The following MYLK variants were observed in gnomAD, a reference collection of about 807,000 sequenced individuals.
The protein encoded by MYLK is myosin light chain kinase, also known as myosin light chain kinase, smooth muscle.
MYLK carries 106 observed loss-of-function variants against 203.4 expected under a neutral mutation model. The ratio of observed to expected loss-of-function variants is 0.52; its 90% confidence interval spans 0.45 to 0.61. The LOEUF (loss-of-function observed/expected upper bound fraction) is 0.61. MYLK is among the 20% of genes least tolerant of loss of function. The pLI is 0.00. For missense variants in MYLK, 2,072 were observed against 2,442.3 expected, an observed-to-expected ratio of 0.85 and a Z score of 3.20; for synonymous variants, 867 against 959.5, an observed-to-expected ratio of 0.90 and a Z score of 1.78.
chr3:123,847,357 G>A (rs997764289), intron 2 of MYLK, among the ~76,000 whole-genome samples: 4 of 152,036 alleles, frequency 2.6e-5, no homozygotes, highest in Non-Finnish European at 5.9e-5. Flanking sequence ...AAATCTTATT[G>A]GTATGCAAGT....
At chr3:123,811,901 A>T (rs2065573592) in intron 3 of MYLK, among the ~76,000 whole-genome samples, 1 of 152,172 alleles carries the variant, frequency 6.6e-6, no homozygotes, top group African/African-American at 2.4e-5. Context: ...ATAAAAACAT[A>T]TCTATTAAAT....
At chr3:123,854,291 G>C (rs75220519) in intron 2 of MYLK, among the ~76,000 whole-genome samples, 2,439 of 151,442 alleles carry the variant, frequency 0.016, 61 homozygotes, top group African/African-American at 0.055. Context: ...TAACCCTCTG[G>C]GTACAATTGA....
At chr3:123,682,525 C>T (rs1408610559) in intron 19 of MYLK, among the ~76,000 whole-genome samples, 1 of 152,188 alleles carries the variant, frequency 6.6e-6, no homozygotes, top group Non-Finnish European at 1.5e-5. Flanking sequence ...CCTGATTAAT[C>T]CAGTGGGGAC....
At chr3:123,877,267 C>A (rs756112507) in intron 1 of MYLK, among the ~76,000 whole-genome samples, 2 of 152,006 alleles carry the variant, frequency 1.3e-5, no homozygotes, top group Non-Finnish European at 2.9e-5. Flanking sequence ...ATTATAGAGG[C>A]CTGTGAATGG....
At chr3:123,884,055 G>C (rs930983336) in intron 1 of MYLK, among the ~76,000 whole-genome samples, 151 bp downstream of exon 1, 5 of 152,098 alleles carry the variant, frequency 3.3e-5, no homozygotes, top group Non-Finnish European at 7.4e-5. Flanking sequence ...TTACGCCCCT[G>C]ACTCCTCGCC....
Position 123,618,752 on chromosome 3 carries a change from A to AAAGCTTGGG in MYLK, c.5378_5386dup (p.Ser1793_Ala1795dup), listed in dbSNP as rs2057664995. The AAAGCTTGGG allele has an allele frequency of 6.2e-7, 1 of 1,614,184 alleles. No individual in the cohort carries two copies. The highest frequency in any genetic ancestry group is 8.5e-7 in the Non-Finnish European group (1 of 1,180,006). On this transcript the variant is annotated inframe_insertion, in exon 33 of 34. Transcript: ENST00000360304. Reference sequence around the variant, plus strand: ...CTTTTCCTCAGCAACAGCCTCAAGGAAAGCTTGGGACACATCTTCTAGAAG... The same window carrying AAAGCTTGGG: ...CTTTTCCTCAGCAACAGCCTCAAGGAAAGCTTGGGAAGCTTGGGACACATCTTCTAGAAG...
intron 32 of MYLK, among the ~76,000 whole-genome samples, chr3:123,619,535 G>A (rs2057725116): frequency 6.6e-6 from 1 of 152,340 alleles, no homozygotes; most frequent in African/African-American, 2.4e-5. Context: ...CAGGCAGGGA[G>A]GGACAGAGGG....
chr3:123,633,793 G>A (rs948875079), intron 29 of MYLK, among the ~76,000 whole-genome samples: 6 of 152,218 alleles, frequency 3.9e-5, no homozygotes, highest in South Asian at 4.1e-4. Context: ...GGTTAGGAGA[G>A]CAGAGGGTGC....
Position 123,738,961 on chromosome 3 carries a change from CCTT to C in MYLK, c.521_523del (p.Glu174del). 6.2e-7 allele frequency: 1 copy of C among 1,613,414 alleles called. No homozygotes were observed. The highest frequency in any genetic ancestry group is 8.5e-7 in the Non-Finnish European group (1 of 1,179,736). On this transcript the variant is annotated inframe_deletion, in exon 7 of 34. Coordinates refer to ENST00000360304, the MANE Select transcript of MYLK (RefSeq NM_053025.4). Reference sequence around the variant, plus strand: ...CTTGCAGGAGAATCGTCCCATCTGTCCTTCTTTGACCACAACTCGGCCCAGCTT... The same window carrying C: ...CTTGCAGGAGAATCGTCCCATCTGTCCTTTGACCACAACTCGGCCCAGCTT...
chr3:123,732,861 A>C, intron 11 of MYLK, 35 bp downstream of exon 11: 32 of 1,594,960 alleles, frequency 2.0e-5, no homozygotes, highest in Non-Finnish European at 2.6e-5. Context: ...GTTGTCCCAC[A>C]GAGAATGCGG....
At chr3:123,836,542 C>A (rs1016314848) in intron 2 of MYLK, among the ~76,000 whole-genome samples, 1 of 152,130 alleles carries the variant, frequency 6.6e-6, no homozygotes, top group Non-Finnish European at 1.5e-5. Flanking sequence ...TGGAAACATA[C>A]AACACTCCAG....
intron 3 of MYLK, among the ~76,000 whole-genome samples, chr3:123,804,285 G>A (rs886279050): frequency 2.0e-5 from 3 of 152,140 alleles, no homozygotes; most frequent in African/African-American, 7.2e-5. Context: ...TAGCAAGTGG[G>A]TTTGGGCAGC....
chr3:123,679,347 C>T (rs1314559507), intron 20 of MYLK, among the ~76,000 whole-genome samples: 1 of 151,730 alleles, frequency 6.6e-6, no homozygotes, highest in Non-Finnish European at 1.5e-5. Context: ...TCCTTCACTT[C>T]CCATCTCTGG....
chr3:123,828,157 G>A (rs968929038), intron 3 of MYLK, among the ~76,000 whole-genome samples: 8 of 152,014 alleles, frequency 5.3e-5, no homozygotes, highest in Middle Eastern at 3.4e-3. Context: ...AAGCAGTCCC[G>A]ACCAAAAATG....
intron 2 of MYLK, among the ~76,000 whole-genome samples, chr3:123,848,647 C>T (rs888733628): frequency 1.3e-5 from 2 of 152,190 alleles, no homozygotes; most frequent in Admixed American, 1.3e-4. Context: ...GTAGCCAACT[C>T]ACTTGGCACA....
intron 4 of MYLK, 95 bp from the exon 5 acceptor site, chr3:123,752,633 T>C (rs1209710294): frequency 6.7e-6 from 8 of 1,196,012 alleles, no homozygotes; most frequent in African/African-American, 3.0e-5. Flanking sequence ...TGTTAACTCA[T>C]TTAATCCTCA....
In MYLK at chr3:123,640,171, T is replaced by A; in HGVS notation, c.4837+116A>T. The A allele has an allele frequency of 1.0e-6, 1 of 958,050 alleles. No homozygotes were observed. The highest frequency in any genetic ancestry group is 1.7e-6 in the Non-Finnish European group (1 of 605,660). 59.3% of individuals were successfully genotyped at this position (958,050 alleles called of 1,614,324 possible). A position where few individuals can be genotyped will look rare whatever the true frequency, so the allele number is the denominator to read the frequency against. On this transcript the variant is annotated intron_variant, in intron 28 of 33. Transcript: ENST00000360304. This position sits in a 1 kb window ranked among gnomAD's most constrained non-coding sequence, Gnocchi z 4.3. ...AGGGGCAGGATTCAAACCTGGGAAG[T>A]CTTCATGGTCTCGGATTTAACCCCA...
At chr3:123,638,617 T>C (rs1411571801) in intron 28 of MYLK, 23 of 366,854 alleles carry the variant, frequency 6.3e-5, no homozygotes, top group Non-Finnish European at 8.3e-5. Flanking sequence ...ATAATGCCCG[T>C]GCTACTGAGA....
intron 4 of MYLK, among the ~76,000 whole-genome samples, chr3:123,764,436 G>T (rs899353129): frequency 2.0e-5 from 3 of 152,152 alleles, no homozygotes; most frequent in Non-Finnish European, 4.4e-5. Context: ...CCATAAAAAG[G>T]CATCTTCCTA....
Sources: allele counts gnomAD v4.1 joint callset (sites outside exome capture counted in the v4.1 genomes callset), GRCh38; gene constraint gnomAD v4.1.1; non-coding constraint Gnocchi (gnomAD v3.1); transcripts MANE v1.5; gene names NCBI Gene and HGNC (gene_info 2026-07-23, HGNC 2026-07-21).